Variants in SNTG2 observed in about 807,000 individuals in gnomAD.
SNTG2 encodes the protein gamma-2-syntrophin.
A neutral mutation model predicts 70.9 loss-of-function variants in SNTG2; 74 were observed. The observed-to-expected ratio is 1.04, with a 90% CI of 0.86 to 1.27. The LOEUF (loss-of-function observed/expected upper bound fraction) is 1.27, where lower values mean the gene tolerates loss of function less well. SNTG2 is among the 50% of genes most tolerant of loss of function. The pLI is 0.00. For missense variants in SNTG2, 717 were observed against 690.7 expected (o/e 1.04, Z -0.43); for synonymous variants, 278 against 273.8 (o/e 1.02, Z -0.15).
chr2:1,209,319 T>C (rs1673886201), intron 9 of SNTG2, 89 bp downstream of exon 9: 1 of 1,508,332 alleles, frequency 6.6e-7, no homozygotes, highest in Non-Finnish European at 9.1e-7. Context: ...TCCAGAGCGC[T>C]TGACTGTGAC....
intron 4 of SNTG2, among the ~76,000 whole-genome samples, chr2:1,118,967 G>T (rs1667210405): frequency 6.6e-6 from 1 of 152,122 alleles, no homozygotes; most frequent in African/African-American, 2.4e-5. Flanking sequence ...CTTCATCAAG[G>T]ATCGTTTTAA....
chr2:1,215,294 G>C (rs976669313), intron 9 of SNTG2, among the ~76,000 whole-genome samples: 1 of 152,154 alleles, frequency 6.6e-6, no homozygotes, highest in African/African-American at 2.4e-5. Context: ...TTTTTGTGAA[G>C]AATTTAAGAA....
chr2:1,255,530 A>G (rs1238907147), intron 12 of SNTG2, among the ~76,000 whole-genome samples: 1 of 152,086 alleles, frequency 6.6e-6, no homozygotes, highest in Non-Finnish European at 1.5e-5. Flanking sequence ...TGATGGATAC[A>G]TCAACAATAA....
rs1446914628 is a variant in SNTG2, at chr2:1,367,459, C to T, written c.1605C>T (p.Tyr535=). Residue 535 remains tyrosine (Y), a synonymous_variant, in exon 17 of 17, where the codon TAC becomes TAT. Coordinates refer to ENST00000308624, the MANE Select transcript of SNTG2 (RefSeq NM_018968.4). The part of the protein sequence containing the change: ...FMDSQSLARK[Y]MYSS ...ACAGTCAGAGTCTTGCCAGAAAATA[C>T]ATGTACAGCAGCTAAAGGTTGTTTC... The T allele has an allele frequency of 2.6e-6, 4 of 1,550,930 alleles. No homozygotes were observed. The African/African-American group carries it at 5.5e-5, about 21-fold the overall frequency.
chr2:1,249,280 C>T (rs1443431798), intron 12 of SNTG2, among the ~76,000 whole-genome samples: 2 of 152,142 alleles, frequency 1.3e-5, no homozygotes, highest in East Asian at 3.8e-4. Flanking sequence ...TAGGTATTTT[C>T]ATCTTAGCAA....
chr2:1,183,957 A>T (rs74498811), intron 8 of SNTG2, among the ~76,000 whole-genome samples: 2,215 of 152,310 alleles, frequency 0.015, 27 homozygotes, highest in Non-Finnish European at 0.026. Flanking sequence ...AAGGGCTGTC[A>T]AAACCCTATT....
In SNTG2 at chr2:950,889, G is replaced by GGGGCGC. The variant is rs997947892; in HGVS notation, c.-99_-94dup. ...TGGAGCCCGAGCCGGAGCCGGCAGA[G>GGGGCGC]GGGCGCGGGCGCGGACGCGGCGCCT... On this transcript the variant is annotated 5_prime_UTR_variant, in exon 1 of 17. Transcript: ENST00000308624. 17 of 406,866 alleles carry GGGGCGC rather than the reference G, an allele frequency of 4.2e-5. No individual in the cohort carries two copies. Among genetic ancestry groups the GGGGCGC allele is most frequent in the East Asian group, 1.8e-4 (3 of 16,448 alleles). The allele number at this position is 406,866 out of a possible 1,614,324, so 25.2% of individuals were successfully genotyped here.
At chr2:1,290,362 T>C (rs1162057587) in intron 14 of SNTG2, among the ~76,000 whole-genome samples, 1 of 151,292 alleles carries the variant, frequency 6.6e-6, no homozygotes, top group Non-Finnish European at 1.5e-5. Context: ...TCACCCAATC[T>C]GGAGTGAAGT....
chr2:1,123,529 T>C (rs981792358), intron 4 of SNTG2, among the ~76,000 whole-genome samples: 1 of 152,166 alleles, frequency 6.6e-6, no homozygotes, highest in African/African-American at 2.4e-5. Flanking sequence ...AATTGGACTC[T>C]TGTCTTACAC....
intron 16 of SNTG2, chr2:1,341,038 T>A (rs1028967577): frequency 3.3e-5 from 5 of 152,192 alleles, no homozygotes; most frequent in Admixed American, 3.3e-4. Flanking sequence ...AATTTATAGG[T>A]GAGAAAACCA....
chr2:1,340,020 G>C (rs957534871), intron 16 of SNTG2, among the ~76,000 whole-genome samples: 1 of 152,228 alleles, frequency 6.6e-6, no homozygotes, highest in South Asian at 2.1e-4. Context: ...CTCCCAGAGG[G>C]GTGGAAGCTC....
At chr2:1,201,746 C>A in intron 8 of SNTG2, among the ~76,000 whole-genome samples, 1 of 151,856 alleles carries the variant, frequency 6.6e-6, no homozygotes. Context: ...TGTGAAAATA[C>A]TATGTGTTAA....
intron 11 of SNTG2, among the ~76,000 whole-genome samples, chr2:1,246,726 T>C (rs917238303): frequency 1.6e-4 from 5 of 31,644 alleles, no homozygotes; most frequent in Admixed American, 1.4e-3. Flanking sequence ...TTTTCTTTAA[T>C]ATTAGATTGA....
intron 16 of SNTG2, among the ~76,000 whole-genome samples, chr2:1,330,196 T>A (rs971146484): frequency 2.0e-5 from 3 of 152,224 alleles, no homozygotes; most frequent in Admixed American, 1.3e-4. Flanking sequence ...TATTTTGGTT[T>A]TCTTCAGTAG....
intron 1 of SNTG2, among the ~76,000 whole-genome samples, chr2:994,577 T>C (rs1459488600): frequency 6.6e-6 from 1 of 152,116 alleles, no homozygotes; most frequent in Non-Finnish European, 1.5e-5. Flanking sequence ...ATAAATCAGC[T>C]GGGATTTTGA....
chr2:1,154,943 A>C (rs999948182), intron 6 of SNTG2, among the ~76,000 whole-genome samples: 3 of 95,334 alleles, frequency 3.1e-5, no homozygotes, highest in South Asian at 4.2e-4. Context: ...CACACCACAC[A>C]CATAAACTCA....
rs570586373 is a variant in SNTG2, at chr2:1,214,560, C to G, written c.719+5330C>G. On this transcript the variant is annotated intron_variant, in intron 9 of 16. Coordinates refer to ENST00000308624, the MANE Select transcript of SNTG2 (RefSeq NM_018968.4). ...TTTTGTATAGTTCATTGTTAGTGAACAAAATACTACTGATTTCTGAGTGTT... is the reference window on the plus strand; with the variant it reads ...TTTTGTATAGTTCATTGTTAGTGAAGAAAATACTACTGATTTCTGAGTGTT... 3.9e-5 allele frequency among the ~76,000 whole-genome samples: 6 copies of G among 152,124 alleles called. No individual in the cohort carries two copies. In the South Asian group the frequency reaches 8.3e-4, roughly 21 times the overall value.
At chr2:1,273,157 T>A (rs1338103114) in intron 14 of SNTG2, among the ~76,000 whole-genome samples, 1 of 152,124 alleles carries the variant, frequency 6.6e-6, no homozygotes, top group Non-Finnish European at 1.5e-5. Context: ...AACCAAGCTG[T>A]CATCCTTCCA....
intron 6 of SNTG2, among the ~76,000 whole-genome samples, chr2:1,156,594 C>A (rs1669914125): frequency 6.6e-6 from 1 of 152,156 alleles, no homozygotes. Flanking sequence ...AGAGTGCAGC[C>A]AGGGTGCAGC....
Sources: gnomAD v4.1 joint callset for allele counts (sites outside exome capture counted in the v4.1 genomes callset) on GRCh38, gnomAD v4.1.1 for gene constraint, MANE v1.5 for transcripts, NCBI Gene and HGNC (gene_info 2026-07-23, HGNC 2026-07-21) for gene names.